The following TRPM8 variants were observed in gnomAD, a reference collection of about 807,000 sequenced individuals.
TRPM8 encodes the protein transient receptor potential cation channel subfamily M member 8.
In TRPM8, 110 loss-of-function variants were observed where a neutral mutation model predicts 133.7. The observed-to-expected ratio is 0.82, with a 90% CI of 0.70 to 0.96. The LOEUF (loss-of-function observed/expected upper bound fraction) is 0.96. Ranked by LOEUF, TRPM8 falls within the 40% of genes least tolerant of loss-of-function variation. The pLI is 0.00. For missense variants in TRPM8, 1,291 were observed against 1,379.5 expected (o/e 0.94, Z 1.02); for synonymous variants, 535 against 532.3 (o/e 1.01, Z -0.07).
At chr2:233,978,198 AGTGTGTGTGTGTGTGT>A (rs59259744) in intron 17 of TRPM8, among the ~76,000 whole-genome samples, 19 of 146,110 alleles carry the variant, frequency 1.3e-4, no homozygotes, top group Admixed American at 8.9e-4. Context: ...GGAATATTAT[AGTGTGTGTGTGTGTGT>A]GTGTGTGTGT....
At chr2:233,930,278 A>C (rs146066814) in intron 2 of TRPM8, among the ~76,000 whole-genome samples, 2 of 152,316 alleles carry the variant, frequency 1.3e-5, no homozygotes, top group East Asian at 3.9e-4. Context: ...GGTTTTTGGA[A>C]TATGTCTTCT....
At chr2:233,960,730 A>T in intron 11 of TRPM8, 46 bp from the exon 12 acceptor site, 2 of 1,535,978 alleles carry the variant, frequency 1.3e-6, no homozygotes, top group Non-Finnish European at 1.8e-6. Flanking sequence ...TTTCCTTACC[A>T]TATTTTTATA....
At chr2:234,014,968 C>T (rs952665837) in intron 25 of TRPM8, among the ~76,000 whole-genome samples, 7 of 152,196 alleles carry the variant, frequency 4.6e-5, no homozygotes, top group African/African-American at 1.7e-4. Flanking sequence ...TGAATTGAAA[C>T]AAGGTCACAC....
chr2:233,964,784 G>T, intron 14 of TRPM8, 27 bp downstream of exon 14: 1 of 1,585,716 alleles, frequency 6.3e-7, no homozygotes. Flanking sequence ...GAATGCTGTG[G>T]TGGGCGCGGA....
intron 3 of TRPM8, chr2:233,934,099 G>A (rs777744227): frequency 1.8e-5 from 3 of 165,506 alleles, no homozygotes; most frequent in Non-Finnish European, 2.9e-5. Context: ...TGGTTACAAG[G>A]AGCTCAACTA....
chr2:233,991,574 A>G (rs1692279070), intron 21 of TRPM8, among the ~76,000 whole-genome samples: 1 of 152,238 alleles, frequency 6.6e-6, no homozygotes, highest in South Asian at 2.1e-4. Context: ...GGAGGTGTCC[A>G]TCTGATAGGG....
intron 23 of TRPM8, among the ~76,000 whole-genome samples, chr2:234,007,260 G>C (rs1322728279): frequency 6.6e-6 from 1 of 152,156 alleles, no homozygotes; most frequent in African/African-American, 2.4e-5. Context: ...CCCCTGCTGC[G>C]GCCGCAGAGG....
At chr2:234,012,667 G>A (rs1692871335) in intron 24 of TRPM8, among the ~76,000 whole-genome samples, 1 of 151,552 alleles carries the variant, frequency 6.6e-6, no homozygotes, top group African/African-American at 2.4e-5. Flanking sequence ...GTGAGAATGG[G>A]CATCCTTGCC....
intron 21 of TRPM8, among the ~76,000 whole-genome samples, chr2:233,990,629 G>T (rs11695247): frequency 3.9e-5 from 6 of 152,108 alleles, no homozygotes; most frequent in Non-Finnish European, 7.4e-5. Context: ...CACTAATCAC[G>T]GGTTTCTGTG....
At position 234,007,826 on chromosome 2, in the gene TRPM8, C is replaced by T. The variant is rs113083693; in HGVS notation, c.3231-244C>T. Among the ~76,000 whole-genome samples the T allele has an allele frequency of 4.1e-3, 628 of 152,270 alleles. 3 individuals are homozygous for T. Among genetic ancestry groups the T allele is most frequent in the African/African-American group, 0.013 (555 of 41,546 alleles). On this transcript the variant is annotated intron_variant, in intron 23 of 25. Coordinates refer to ENST00000324695, the MANE Select transcript of TRPM8 (RefSeq NM_024080.5). ...CACAGACTTACAAGTCCTTTTCCAC[C>T]GCCCTGTCAACAGCAATAGCATTTA...
intron 22 of TRPM8, among the ~76,000 whole-genome samples, chr2:233,998,626 TTGTGCCCATCCAGTTAGGGTGAGCCGCC>T (rs1484686581): frequency 4.0e-5 from 6 of 151,344 alleles, no homozygotes; most frequent in East Asian, 1.9e-4. Flanking sequence ...AGTGAGCCGC[TTGTGCCCATCCAGTTAGGGTGAGCCGCC>T]TGTGCCCATC....
At chr2:233,956,466 A>G (rs1464024456) in intron 11 of TRPM8, among the ~76,000 whole-genome samples, 1 of 152,226 alleles carries the variant, frequency 6.6e-6, no homozygotes, top group Non-Finnish European at 1.5e-5. Flanking sequence ...GAAAATTATT[A>G]TAAACCATCA....
At chr2:233,952,994 C>A (rs1691204923) in intron 9 of TRPM8, among the ~76,000 whole-genome samples, 1 of 152,120 alleles carries the variant, frequency 6.6e-6, no homozygotes, top group Non-Finnish European at 1.5e-5. Context: ...ATGAAGAGAG[C>A]CTTTCCTTCA....
At chr2:233,922,008 A>T (rs904485134) in intron 1 of TRPM8, among the ~76,000 whole-genome samples, 1 of 152,152 alleles carries the variant, frequency 6.6e-6, no homozygotes, top group Non-Finnish European at 1.5e-5. Flanking sequence ...TACTGTACAA[A>T]TGTAAGATTT....
At chr2:233,959,964 G>A (rs1475586487) in intron 11 of TRPM8, among the ~76,000 whole-genome samples, 1 of 141,516 alleles carries the variant, frequency 7.1e-6, no homozygotes, top group African/African-American at 2.7e-5. Context: ...TTTTTTTTTA[G>A]TAGAGATGGG....
At chr2:233,987,289 A>G (rs141402785) in intron 21 of TRPM8, among the ~76,000 whole-genome samples, 26 of 152,372 alleles carry the variant, frequency 1.7e-4, no homozygotes, top group Non-Finnish European at 3.7e-4. Context: ...CAAATTGCAA[A>G]TTAATTTTAT....
rs530584467 is a variant in TRPM8 at position 233,944,892 on chromosome 2, G to A, written c.700-964G>A. 4.6e-5 allele frequency among the ~76,000 whole-genome samples: 7 copies of A among 152,154 alleles called. No homozygotes were observed. In the East Asian group the frequency reaches 1.4e-3, roughly 29 times the overall value. ...TTTGATGTTCATAACAAAACTATGAGGTAAGTACTACTATTCCCCCCTCAT... is the reference window on the plus strand; with the variant it reads ...TTTGATGTTCATAACAAAACTATGAAGTAAGTACTACTATTCCCCCCTCAT... On this transcript the variant is annotated intron_variant, in intron 6 of 25. Coordinates refer to ENST00000324695, the MANE Select transcript of TRPM8 (RefSeq NM_024080.5).
chr2:233,917,877 T>C (rs1265539984), intron 1 of TRPM8, among the ~76,000 whole-genome samples: 2 of 152,210 alleles, frequency 1.3e-5, no homozygotes, highest in Non-Finnish European at 2.9e-5. Flanking sequence ...CAAGAAATAA[T>C]GCATTCAAAT....
chr2:233,965,714 G>GT (rs1355900588), intron 14 of TRPM8, among the ~76,000 whole-genome samples: 1 of 151,992 alleles, frequency 6.6e-6, no homozygotes, highest in Non-Finnish European at 1.5e-5. Context: ...TTTCAAAGCA[G>GT]TTTATTTCTG....
Sources: gnomAD v4.1 joint callset for allele counts (sites outside exome capture counted in the v4.1 genomes callset) on GRCh38, gnomAD v4.1.1 for gene constraint, MANE v1.5 for transcripts, NCBI Gene and HGNC (gene_info 2026-07-23, HGNC 2026-07-21) for gene names.